Variants in XKR7 observed in about 807,000 individuals in gnomAD.
XKR7 encodes XK-related protein 7.
Under a neutral mutation model 42.2 loss-of-function variants are expected in XKR7, and 11 were observed. The observed-to-expected ratio is 0.26, with a 90% confidence interval of 0.16 to 0.43. The LOEUF (loss-of-function observed/expected upper bound fraction) is 0.43. Among genes scored for constraint, XKR7 ranks in the 20% least tolerant of loss-of-function variants. The probability of loss-of-function intolerance (pLI) is 1.00; values close to 1 mark genes in which losing one functional copy is unlikely to be tolerated. For synonymous variants in XKR7, 346 were observed against 366.4 expected (o/e 0.94, Z 0.64); for missense variants, 710 against 802.2 (o/e 0.89, Z 1.39).
chr20:31,997,520 G>GC lies in XKR7; in HGVS notation c.*67dup. 1 of 1,464,292 alleles carries GC rather than the reference G, an allele frequency of 6.8e-7. No individual in the cohort carries two copies. The highest frequency in any genetic ancestry group is 9.1e-7 in the Non-Finnish European group (1 of 1,094,724). 90.7% of individuals were successfully genotyped at this position (1,464,292 alleles called of 1,614,324 possible). On this transcript the variant is annotated 3_prime_UTR_variant, in exon 3 of 3. Transcript: ENST00000562532. ...GATCCCACATCCGCCGCAGTGTTGTGCCCCGAATTTCAGGGCCACCAGGCT... is the reference window on the plus strand; with the variant it reads ...GATCCCACATCCGCCGCAGTGTTGTGCCCCCGAATTTCAGGGCCACCAGGCT...
chr20:31,997,488 C>T lies in XKR7; in HGVS notation c.*31C>T. The T allele has an allele frequency of 6.5e-7, 1 of 1,546,610 alleles. No homozygotes were observed. Among genetic ancestry groups the T allele is most frequent in the South Asian group, 1.2e-5 (1 of 84,266 alleles). On this transcript the variant is annotated 3_prime_UTR_variant, in exon 3 of 3. Coordinates refer to ENST00000562532, the MANE Select transcript of XKR7 (RefSeq NM_001011718.2). Reference sequence around the variant, plus strand: ...AGTGTCCCAGCACAAAAGGGACAGGCTTGGCTGATCCCACATCCGCCGCAG... The same window carrying T: ...AGTGTCCCAGCACAAAAGGGACAGGTTTGGCTGATCCCACATCCGCCGCAG...
rs1040789039 is a variant in XKR7, at chr20:31,995,045, T to C, written c.585-23T>C. Reference sequence around the variant, plus strand: ...CGAGAGGAACCAGCGCGCGGGAGCCTGAGCACCGCGTCCTTCCCGCAGGTA... The same window carrying C: ...CGAGAGGAACCAGCGCGCGGGAGCCCGAGCACCGCGTCCTTCCCGCAGGTA... On this transcript the variant is annotated intron_variant, in intron 1 of 2. Coordinates refer to ENST00000562532, the MANE Select transcript of XKR7 (RefSeq NM_001011718.2). This position sits in a 1 kb window ranked among gnomAD's most constrained non-coding sequence, Gnocchi z 4.1. The C allele has an allele frequency of 6.5e-7, 1 of 1,540,666 alleles. No homozygotes were observed. The highest frequency in any genetic ancestry group is 2.0e-5 in the Admixed American group (1 of 50,462).
At chr20:31,986,291 G>A (rs1240187496) in intron 1 of XKR7, among the ~76,000 whole-genome samples, 2 of 94,696 alleles carry the variant, frequency 2.1e-5, no homozygotes, top group Non-Finnish European at 4.1e-5. Flanking sequence ...CCACCAAGCA[G>A]ACCCAGCATC....
At position 31,997,605 on chromosome 20, in the gene XKR7, G is replaced by A. The variant is rs924555397; in HGVS notation, c.*148G>A. ...TGGCCCCACTCTTGGGTTCTTTCAG[G>A]GGAGGGGGCAGCCTTGCGGAGGCCC... On this transcript the variant is annotated 3_prime_UTR_variant, in exon 3 of 3. Coordinates refer to ENST00000562532, the MANE Select transcript of XKR7 (RefSeq NM_001011718.2). 1.3e-6 allele frequency: 1 copy of A among 780,118 alleles called. No homozygotes were observed. The highest frequency in any genetic ancestry group is 1.9e-5 in the South Asian group (1 of 53,068). The allele number at this position is 780,118 out of a possible 1,614,324, so 48.3% of individuals were successfully genotyped here.
intron 1 of XKR7, among the ~76,000 whole-genome samples, chr20:31,980,908 A>T (rs890597352): frequency 7.2e-5 from 11 of 151,832 alleles, no homozygotes; most frequent in Non-Finnish European, 1.3e-4. Flanking sequence ...CTAAAAATTT[A>T]AAAAAATATA....
rs1162111652 is a variant in XKR7, at chr20:31,968,283, G to C, written c.108G>C (p.Ala36=). Residue 36 remains alanine (A), a synonymous_variant, in exon 1 of 3, where the codon GCG becomes GCC. Transcript: ENST00000562532. This position sits in a 1 kb window ranked among gnomAD's most constrained non-coding sequence, Gnocchi z 4.5. ...SAGGRGEAAA[A]AGPPGVVGAG... ...GCGGGCGCGGGGAGGCGGCGGCGGCGGCCGGGCCCCCGGGGGTCGTCGGGG... is the reference window on the plus strand; with the variant it reads ...GCGGGCGCGGGGAGGCGGCGGCGGCCGCCGGGCCCCCGGGGGTCGTCGGGG... The C allele has an allele frequency of 8.4e-7, 1 of 1,189,862 alleles. No homozygotes were observed. Among genetic ancestry groups the C allele is most frequent in the East Asian group, 3.6e-5 (1 of 28,078 alleles). 73.7% of individuals were successfully genotyped at this position (1,189,862 alleles called of 1,614,324 possible).
At chr20:31,996,178 C>T (rs2064590331) in intron 2 of XKR7, among the ~76,000 whole-genome samples, 1 of 151,808 alleles carries the variant, frequency 6.6e-6, no homozygotes, top group Non-Finnish European at 1.5e-5. Context: ...GAGTCCCGGA[C>T]CCTCATTTCC....
At chr20:31,980,686 T>A (rs1203149974) in intron 1 of XKR7, among the ~76,000 whole-genome samples, 2 of 152,194 alleles carry the variant, frequency 1.3e-5, no homozygotes, top group African/African-American at 4.8e-5. Context: ...ACAGCCAGGA[T>A]GCTTCCTCTG....
At chr20:31,984,881 C>T (rs1314736412) in intron 1 of XKR7, among the ~76,000 whole-genome samples, 1 of 152,222 alleles carries the variant, frequency 6.6e-6, no homozygotes, top group East Asian at 1.9e-4. Context: ...CTAGATCTGG[C>T]ACTAACTTGC....
intron 1 of XKR7, among the ~76,000 whole-genome samples, chr20:31,989,282 C>CG (rs1027874163): frequency 5.8e-5 from 7 of 119,956 alleles, no homozygotes; most frequent in Non-Finnish European, 1.1e-4. Context: ...GACACCCCCC[C>CG]CCCAGCGCAT....
chr20:31,969,937 C>T (rs1448097085), intron 1 of XKR7, among the ~76,000 whole-genome samples: 1 of 152,194 alleles, frequency 6.6e-6, no homozygotes, highest in Non-Finnish European at 1.5e-5. Flanking sequence ...CAGTTTGGGG[C>T]TGAGGGTTGA....
Position 31,998,314 on chromosome 20 carries a change from C to T in XKR7, c.*857C>T, listed in dbSNP as rs1413634790. The T allele has an allele frequency of 6.6e-6, 1 of 152,114 alleles. No homozygotes were observed. The highest frequency in any genetic ancestry group is 1.9e-4 in the East Asian group (1 of 5,196). The allele number at this position is 152,114 out of a possible 1,614,324, so 9.4% of individuals were successfully genotyped here. ...GGCTTCTAGATACAGGTCTTCAACA[C>T]AGCAGATAAGATGTCTGGAAAGATC... is the stretch of plus-strand genomic sequence containing the variant. On this transcript the variant is annotated 3_prime_UTR_variant, in exon 3 of 3. Transcript: ENST00000562532.
intron 1 of XKR7, among the ~76,000 whole-genome samples, chr20:31,989,659 G>A (rs1480347091): frequency 1.3e-5 from 2 of 152,140 alleles, no homozygotes; most frequent in East Asian, 3.9e-4. Flanking sequence ...TGTCACCCAG[G>A]CTGGAGTGCA....
Position 31,997,242 on chromosome 20 carries a change from C to T in XKR7, c.1525C>T (p.Pro509Ser). The T allele has an allele frequency of 6.2e-7, 1 of 1,611,890 alleles. No individual in the cohort carries two copies. Among genetic ancestry groups the T allele is most frequent in the South Asian group, 1.1e-5 (1 of 91,072 alleles). Reference protein sequence around the residue: ...PVFQVRPGLPPTPVARTLRTE... With the variant: ...PVFQVRPGLPSTPVARTLRTE... ...CTTCCAGGTGCGGCCTGGCTTGCCT[C>T]CCACACCAGTGGCCCGCACCTTGCG... The change falls in exon 3 of 3, where the codon CCC (proline) becomes TCC (serine). Residue 509 changes from proline (P) to serine (S), a missense_variant. Pro to Ser is a moderately conservative substitution (Grantham distance 74, BLOSUM62 -1). Transcript: ENST00000562532.
intron 1 of XKR7, among the ~76,000 whole-genome samples, chr20:31,993,993 C>A (rs1351281187): frequency 6.6e-6 from 1 of 152,196 alleles, no homozygotes. Flanking sequence ...TGAGCTCTGG[C>A]TCTGTGACCT....
chr20:31,982,952 C>T (rs923065800), intron 1 of XKR7, among the ~76,000 whole-genome samples: 5 of 152,226 alleles, frequency 3.3e-5, no homozygotes, highest in African/African-American at 1.2e-4. Flanking sequence ...TTTCTGATTT[C>T]ACAGCCACCC....
intron 1 of XKR7, among the ~76,000 whole-genome samples, chr20:31,993,514 GTCCCTTC>G (rs2064578574): frequency 6.6e-6 from 1 of 152,194 alleles, no homozygotes; most frequent in Non-Finnish European, 1.5e-5. Context: ...GGACTTCAGA[GTCCCTTC>G]TATACCCCCT....
In XKR7 at chr20:31,996,615, G is replaced by A; in HGVS notation, c.898G>A (p.Val300Met). 6.3e-7 allele frequency: 1 copy of A among 1,575,422 alleles called. No homozygotes were observed. The highest frequency in any genetic ancestry group is 1.7e-4 in the Middle Eastern group (1 of 5,874). ...DKRPLSYKGA[V>M]AQVLWHLFSI... ...GCGGCCGCTGTCCTACAAGGGCGCC[G>A]TGGCACAGGTGCTGTGGCACCTGTT... Residue 300 changes from valine to methionine, a missense_variant, in exon 3 of 3, where the codon GTG becomes ATG. Around this residue, in one of 2 missense-constraint regions of XKR7, gnomAD observed 708 missense variants for 786.2 expected, o/e 0.90. Transcript: ENST00000562532.
intron 1 of XKR7, among the ~76,000 whole-genome samples, chr20:31,992,178 T>G (rs2064573223): frequency 6.6e-6 from 1 of 152,186 alleles, no homozygotes; most frequent in Non-Finnish European, 1.5e-5. Flanking sequence ...CAAATGTTTC[T>G]TCCTTCCAAG....
Sources: gnomAD v4.1 joint callset for allele counts (sites outside exome capture counted in the v4.1 genomes callset) on GRCh38, gnomAD v4.1.1 for gene constraint, gnomAD v4.1.1 regional missense constraint, Gnocchi (gnomAD v3.1) non-coding constraint, MANE v1.5 for transcripts, NCBI Gene and HGNC (gene_info 2026-07-23, HGNC 2026-07-21) for gene names.